The following AGBL4 variants were observed in gnomAD, a reference collection of about 807,000 sequenced individuals.
AGBL4 encodes cytosolic carboxypeptidase 6.
A neutral mutation model predicts 66.4 loss-of-function variants in AGBL4; 58 were observed. The observed-to-expected ratio is 0.87, with a 90% confidence interval of 0.71 to 1.09. The LOEUF (loss-of-function observed/expected upper bound fraction) is 1.09, where lower values mean the gene tolerates loss of function less well. AGBL4 is among the 50% of genes least tolerant of loss of function. The probability of loss-of-function intolerance (pLI) is 0.00; values close to 1 mark genes in which losing one functional copy is unlikely to be tolerated. For synonymous variants in AGBL4, 234 were observed against 222.9 expected, an observed-to-expected ratio of 1.05 and a Z score of -0.44; for missense variants, 579 against 631.0, an observed-to-expected ratio of 0.92 and a Z score of 0.88.
At chr1:49,269,614 C>G (rs1047602505) in intron 3 of AGBL4, among the ~76,000 whole-genome samples, 29 of 152,128 alleles carry the variant, frequency 1.9e-4, no homozygotes, top group Admixed American at 6.6e-5. Flanking sequence ...TGTTGTTAGT[C>G]AAGTCCCCTC....
chr1:49,198,451 C>T (rs1047940414), intron 4 of AGBL4, among the ~76,000 whole-genome samples: 11 of 152,056 alleles, frequency 7.2e-5, no homozygotes, highest in Non-Finnish European at 1.3e-4. Flanking sequence ...AGTGATTCTC[C>T]TGCCTCAGCC....
intron 5 of AGBL4, among the ~76,000 whole-genome samples, chr1:48,959,343 T>C (rs1657762255): frequency 6.6e-6 from 1 of 152,194 alleles, no homozygotes; most frequent in Admixed American, 6.5e-5. Flanking sequence ...GTTTTTATAC[T>C]AGTAGATGCT....
At chr1:49,559,955 C>T (rs1401011039) in intron 3 of AGBL4, among the ~76,000 whole-genome samples, 2 of 152,094 alleles carry the variant, frequency 1.3e-5, no homozygotes, top group Non-Finnish European at 2.9e-5. Flanking sequence ...CCCTAATACA[C>T]ATCACGACAC....
intron 6 of AGBL4, among the ~76,000 whole-genome samples, chr1:48,711,240 G>A (rs1646963176): frequency 6.6e-6 from 1 of 152,200 alleles, no homozygotes; most frequent in African/African-American, 2.4e-5. Context: ...CAGCAAAGGA[G>A]GAGAGCCCTG....
chr1:49,610,069 A>G (rs529765532), intron 3 of AGBL4, among the ~76,000 whole-genome samples: 5 of 152,288 alleles, frequency 3.3e-5, no homozygotes, highest in African/African-American at 4.8e-5. Flanking sequence ...TGCAGGCAAT[A>G]GAAAATAAAA....
At chr1:49,790,245 T>A (rs1404833379) in intron 2 of AGBL4, among the ~76,000 whole-genome samples, 1 of 151,594 alleles carries the variant, frequency 6.6e-6, no homozygotes, top group Non-Finnish European at 1.5e-5. Flanking sequence ...GAGCCTGTAG[T>A]GTCAACTACT....
chr1:49,043,429 C>T (rs182495409), intron 5 of AGBL4, among the ~76,000 whole-genome samples: 6 of 152,248 alleles, frequency 3.9e-5, no homozygotes, highest in African/African-American at 1.4e-4. Flanking sequence ...GTCACCAATT[C>T]TTTCTGAGAT....
chr1:48,966,116 C>T (rs546851816), intron 5 of AGBL4, among the ~76,000 whole-genome samples: 2 of 152,062 alleles, frequency 1.3e-5, no homozygotes, highest in African/African-American at 4.8e-5. Flanking sequence ...GGTTTTGATA[C>T]AAGAACCACA....
chr1:48,576,178 C>A (rs1644651035), intron 11 of AGBL4, among the ~76,000 whole-genome samples: 1 of 152,310 alleles, frequency 6.6e-6, no homozygotes, highest in South Asian at 2.1e-4. Flanking sequence ...CTGAGCTCCT[C>A]CTCCTGTCAG....
At chr1:49,451,213 C>T (rs966985137) in intron 3 of AGBL4, among the ~76,000 whole-genome samples, 2 of 151,970 alleles carry the variant, frequency 1.3e-5, no homozygotes, top group African/African-American at 4.8e-5. Flanking sequence ...CAGCATGCTA[C>T]ATCCTTCTTG....
chr1:48,761,217 C>G (rs1456401485), intron 6 of AGBL4: 1 of 1,131,102 alleles, frequency 8.8e-7, no homozygotes, highest in Non-Finnish European at 1.2e-6. Flanking sequence ...CTGAAAAAAT[C>G]ATAGCCTGTG....
intron 3 of AGBL4, among the ~76,000 whole-genome samples, chr1:49,591,619 C>A (rs1039965892): frequency 1.3e-5 from 2 of 152,032 alleles, no homozygotes; most frequent in Non-Finnish European, 1.5e-5. Flanking sequence ...AAAAAGAGTT[C>A]AAATAGCCAA....
intron 3 of AGBL4, among the ~76,000 whole-genome samples, chr1:49,414,640 T>A (rs539588563): frequency 6.6e-6 from 1 of 152,262 alleles, no homozygotes; most frequent in African/African-American, 2.4e-5. Flanking sequence ...TAAGCACCAT[T>A]GCTATAAGAG....
chr1:49,689,889 T>C (rs1646854538), intron 3 of AGBL4, among the ~76,000 whole-genome samples: 3 of 152,200 alleles, frequency 2.0e-5, no homozygotes, highest in Admixed American at 2.0e-4. Flanking sequence ...TTGAAAGAAG[T>C]TCTACTGTGA....
Position 49,918,384 on chromosome 1 carries a change from C to T in AGBL4, c.35-66866G>A, listed in dbSNP as rs559889340. ...AGAGAGAAGAATCAAATAGACGCAACAAAAAATGATAAAGGGGATATCACC... is the reference window on the plus strand; with the variant it reads ...AGAGAGAAGAATCAAATAGACGCAATAAAAAATGATAAAGGGGATATCACC... On this transcript the variant is annotated intron_variant, in intron 1 of 13. Transcript: ENST00000371839. Among the ~76,000 whole-genome samples the T allele has an allele frequency of 7.3e-3, 1,113 of 152,022 alleles. 8 individuals carry two copies. Among genetic ancestry groups the T allele is most frequent in the African/African-American group, 0.024 (1,003 of 41,488 alleles).
At chr1:49,992,807 G>T (rs1369113528) in intron 1 of AGBL4, among the ~76,000 whole-genome samples, 4 of 152,080 alleles carry the variant, frequency 2.6e-5, no homozygotes, top group Admixed American at 6.6e-5. Context: ...TGATCTTGAG[G>T]ACTCTCACTC....
At chr1:49,817,475 T>C (rs542575161) in intron 2 of AGBL4, among the ~76,000 whole-genome samples, 34 of 152,202 alleles carry the variant, frequency 2.2e-4, no homozygotes, top group Non-Finnish European at 3.7e-4. Context: ...CTTTAAGATT[T>C]TAGGGGTTTT....
At chr1:49,204,504 T>C (rs963350593) in intron 4 of AGBL4, among the ~76,000 whole-genome samples, 4 of 152,066 alleles carry the variant, frequency 2.6e-5, no homozygotes, top group African/African-American at 9.7e-5. Flanking sequence ...AGTTTAAAAC[T>C]CCTGGCCTGA....
At chr1:48,868,130 A>G (rs1298125413) in intron 5 of AGBL4, among the ~76,000 whole-genome samples, 1 of 152,202 alleles carries the variant, frequency 6.6e-6, no homozygotes, top group Non-Finnish European at 1.5e-5. Context: ...TTCCCTAAAT[A>G]GTATTGGAAA....
Sources: allele counts gnomAD v4.1 joint callset (sites outside exome capture counted in the v4.1 genomes callset), GRCh38; gene constraint gnomAD v4.1.1; transcripts MANE v1.5; gene names NCBI Gene and HGNC (gene_info 2026-07-23, HGNC 2026-07-21).